PLCXD3: variants seen among roughly 807,000 people sequenced by gnomAD.
PLCXD3 encodes the protein PI-PLC X domain-containing protein 3.
In PLCXD3, 19 loss-of-function variants were observed where a neutral mutation model predicts 25.5. The ratio of observed to expected loss-of-function variants is 0.75; its 90% CI spans 0.52 to 1.09. The LOEUF is 1.09. PLCXD3 is among the 50% of genes least tolerant of loss of function. The pLI, the probability that PLCXD3 is intolerant of heterozygous loss-of-function variation, is 0.00. For synonymous variants in PLCXD3, 174 were observed against 137.6 expected, an observed-to-expected ratio of 1.26 and a Z score of -1.85; for missense variants, 411 against 388.1, an observed-to-expected ratio of 1.06 and a Z score of -0.50.
At chr5:41,476,065 A>C (rs550101339) in intron 1 of PLCXD3, among the ~76,000 whole-genome samples, 21 of 152,346 alleles carry the variant, frequency 1.4e-4, no homozygotes, top group African/African-American at 1.9e-4. Flanking sequence ...ATATCTGTAC[A>C]TAACCCCATC....
At chr5:41,394,294 T>TA (rs1312558441) in intron 1 of PLCXD3, among the ~76,000 whole-genome samples, 1 of 150,814 alleles carries the variant, frequency 6.6e-6, no homozygotes, top group Non-Finnish European at 1.5e-5. Flanking sequence ...AATGAATACA[T>TA]AAAAAATAAA....
chr5:41,312,685 T>TTTCCCTCCTTCC lies in PLCXD3; in HGVS notation c.*931_*932insGGAAGGAGGGAA, dbSNP rs1743166397. On this transcript the variant is annotated 3_prime_UTR_variant, in exon 3 of 3. Coordinates refer to ENST00000377801, the MANE Select transcript of PLCXD3 (RefSeq NM_001005473.3). ...CTTCCTCCCTCCCTTCCTTTCTTCC[T>TTTCCCTCCTTCC]TTCCTTCCTTCCTTCCTTCCTTCCT... 1 of 104,678 alleles carries TTTCCCTCCTTCC rather than the reference T, an allele frequency of 9.6e-6. No homozygotes were observed. Among genetic ancestry groups the TTTCCCTCCTTCC allele is most frequent in the African/African-American group, 3.5e-5 (1 of 28,340 alleles). The allele number at this position is 104,678 out of a possible 1,614,324, so 6.5% of individuals were successfully genotyped here. A position where few individuals can be genotyped will look rare whatever the true frequency, so the allele number is the denominator to read the frequency against.
At chr5:41,452,030 C>T (rs534801028) in intron 1 of PLCXD3, among the ~76,000 whole-genome samples, 3 of 152,062 alleles carry the variant, frequency 2.0e-5, no homozygotes, top group Admixed American at 1.3e-4. Flanking sequence ...GATTGCTTTC[C>T]TTACTGAAAT....
intron 2 of PLCXD3, among the ~76,000 whole-genome samples, chr5:41,345,942 C>T (rs547788818): frequency 6.6e-6 from 1 of 151,344 alleles, no homozygotes; most frequent in East Asian, 1.9e-4. Context: ...TGCAGTGGCA[C>T]TATCTTGGCT....
At chr5:41,507,051 C>G (rs1296393205) in intron 1 of PLCXD3, among the ~76,000 whole-genome samples, 1 of 152,200 alleles carries the variant, frequency 6.6e-6, no homozygotes, top group Non-Finnish European at 1.5e-5. Context: ...GAATGACTCT[C>G]TGTCACACAT....
chr5:41,341,610 A>C (rs1451949228), intron 2 of PLCXD3, among the ~76,000 whole-genome samples: 2 of 152,140 alleles, frequency 1.3e-5, no homozygotes, highest in African/African-American at 4.8e-5. Context: ...TTGGGTTTAT[A>C]AGGTTTACCT....
intron 2 of PLCXD3, among the ~76,000 whole-genome samples, chr5:41,340,770 A>G (rs943462225): frequency 1.3e-5 from 2 of 152,204 alleles, no homozygotes; most frequent in Non-Finnish European, 2.9e-5. Context: ...GTCGGCAGGA[A>G]AGAACCTAAA....
intron 1 of PLCXD3, among the ~76,000 whole-genome samples, chr5:41,409,443 A>G (rs4403222): frequency 0.92 from 139,528 of 152,218 alleles, 64,381 homozygotes; most frequent in African/African-American, 0.96. Context: ...GTGCATGGCT[A>G]GCACCTTTTC....
chr5:41,365,204 T>A (rs527646479), intron 2 of PLCXD3, among the ~76,000 whole-genome samples: 2 of 152,298 alleles, frequency 1.3e-5, no homozygotes, highest in African/African-American at 4.8e-5. Flanking sequence ...ATTTTTCTTT[T>A]TTACCGTTTT....
At position 41,498,064 on chromosome 5, in the gene PLCXD3, T is replaced by C. The variant is rs113809511; in HGVS notation, c.103+12360A>G. On this transcript the variant is annotated intron_variant, in intron 1 of 2. Coordinates refer to ENST00000377801, the MANE Select transcript of PLCXD3 (RefSeq NM_001005473.3). ...TGCAGCAAAAGCAGTACCGAGAGATTTACAGTAATAAATGCCTATATTAAA... is the reference window on the plus strand; with the variant it reads ...TGCAGCAAAAGCAGTACCGAGAGATCTACAGTAATAAATGCCTATATTAAA... 8.6e-5 allele frequency among the ~76,000 whole-genome samples: 13 copies of C among 151,440 alleles called. 2 individuals are homozygous for C. The highest frequency in any genetic ancestry group is 3.1e-4 in the African/African-American group (13 of 41,430).
At chr5:41,393,293 T>A (rs1745892559) in intron 1 of PLCXD3, among the ~76,000 whole-genome samples, 1 of 152,036 alleles carries the variant, frequency 6.6e-6, no homozygotes, top group African/African-American at 2.4e-5. Flanking sequence ...AGCTCATGGA[T>A]GAAGAAGGGA....
At chr5:41,390,628 G>A (rs1745783023) in intron 1 of PLCXD3, among the ~76,000 whole-genome samples, 2 of 152,064 alleles carry the variant, frequency 1.3e-5, no homozygotes, top group South Asian at 4.1e-4. Context: ...CTTTCTGAGA[G>A]ACAGGCAGAG....
chr5:41,485,461 A>AC (rs1317511541), intron 1 of PLCXD3, among the ~76,000 whole-genome samples: 1 of 151,838 alleles, frequency 6.6e-6, no homozygotes, highest in Non-Finnish European at 1.5e-5. Context: ...AACTCCAGAG[A>AC]CCCCCTCCTT....
chr5:41,363,256 G>T (rs537091225), intron 2 of PLCXD3, among the ~76,000 whole-genome samples: 4 of 152,150 alleles, frequency 2.6e-5, no homozygotes, highest in Non-Finnish European at 5.9e-5. Context: ...CCACTGCAGG[G>T]TAACCATGTT....
Position 41,464,001 on chromosome 5 carries a change from TTCTG to T in PLCXD3, c.103+46419_103+46422del, listed in dbSNP as rs573293570. ...TATGCTACAGGCATTACTAGACACTTTCTGTCAGTTTTTTGCTGACTACCTTAGC... is the reference window on the plus strand; with the variant it reads ...TATGCTACAGGCATTACTAGACACTTTCAGTTTTTTGCTGACTACCTTAGC... On this transcript the variant is annotated intron_variant, in intron 1 of 2. Coordinates refer to ENST00000377801, the MANE Select transcript of PLCXD3 (RefSeq NM_001005473.3). Among the ~76,000 whole-genome samples, 311 of 152,138 alleles carry T rather than the reference TTCTG, an allele frequency of 2.0e-3. 1 individual carries two copies. The highest frequency in any genetic ancestry group is 7.3e-3 in the African/African-American group (304 of 41,544).
intron 1 of PLCXD3, among the ~76,000 whole-genome samples, chr5:41,414,659 C>A (rs558651985): frequency 1.6e-4 from 25 of 152,310 alleles, no homozygotes; most frequent in South Asian, 1.2e-3. Flanking sequence ...TTCAGTTACC[C>A]ATGCTCAATC....
chr5:41,461,760 G>A (rs1747879442), intron 1 of PLCXD3, among the ~76,000 whole-genome samples: 1 of 151,958 alleles, frequency 6.6e-6, no homozygotes, highest in African/African-American at 2.4e-5. Context: ...CGTAGCAGCA[G>A]ACCAAAGCAG....
intron 1 of PLCXD3, among the ~76,000 whole-genome samples, chr5:41,505,866 G>C (rs993275019): frequency 6.6e-6 from 1 of 152,222 alleles, no homozygotes; most frequent in African/African-American, 2.4e-5. Context: ...CAAATATGGT[G>C]TTCTGGCTTT....
chr5:41,336,774 C>T (rs189534349), intron 2 of PLCXD3, among the ~76,000 whole-genome samples: 13 of 152,314 alleles, frequency 8.5e-5, no homozygotes, highest in Admixed American at 5.9e-4. Flanking sequence ...TCCCCCACAG[C>T]TCCTGCAGTC....
Sources: gnomAD v4.1 joint callset for allele counts (sites outside exome capture counted in the v4.1 genomes callset) on GRCh38, gnomAD v4.1.1 for gene constraint, MANE v1.5 for transcripts, NCBI Gene and HGNC (gene_info 2026-07-23, HGNC 2026-07-21) for gene names.